PCDHA3: variants seen among roughly 807,000 people sequenced by gnomAD.
PCDHA3 encodes the protein protocadherin alpha-3.
Under a neutral mutation model 62.2 loss-of-function variants are expected in PCDHA3, and 41 were observed. That is an observed-to-expected ratio of 0.66 (90% confidence interval 0.51 to 0.86). PCDHA3 has a LOEUF of 0.86. PCDHA3 is among the 40% of genes least tolerant of loss of function. The pLI is 0.00. For missense variants in PCDHA3, 1,304 were observed against 1,241.2 expected (o/e 1.05, Z -0.76); for synonymous variants, 640 against 555.4 (o/e 1.15, Z -2.14).
chr5:140,927,294 C>T (rs781944508), intron 1 of PCDHA3: 10 of 1,614,062 alleles, frequency 6.2e-6, no homozygotes, highest in South Asian at 3.3e-5. Context: ...TGCACATCCC[C>T]GAGTTCCTGA....
At chr5:140,882,702 C>T (rs2059269414) in intron 1 of PCDHA3, 1 of 1,614,098 alleles carries the variant, frequency 6.2e-7, no homozygotes, top group African/African-American at 1.3e-5. Flanking sequence ...ATTGCAGAAT[C>T]TAGACCTCCG....
chr5:140,869,610 C>T (rs782688712), intron 1 of PCDHA3: 1 of 1,613,928 alleles, frequency 6.2e-7, no homozygotes, highest in South Asian at 1.1e-5. Flanking sequence ...CTCTATTGAC[C>T]TACAGGCTAA....
intron 1 of PCDHA3, chr5:140,848,269 G>A: frequency 2.0e-6 from 1 of 502,308 alleles, no homozygotes; most frequent in Non-Finnish European, 3.5e-6. Context: ...TTTTATTCAT[G>A]AAATATGTAC....
At position 141,010,163 on chromosome 5, in the gene PCDHA3, C is replaced by T; in HGVS notation, c.*226C>T. Reference sequence around the variant, plus strand: ...CTTTCTCTCCACTCTGGCTTGTTTTCAGAACCTAAAAAGCAGACCCAAGTT... The same window carrying T: ...CTTTCTCTCCACTCTGGCTTGTTTTTAGAACCTAAAAAGCAGACCCAAGTT... On this transcript the variant is annotated 3_prime_UTR_variant, in exon 4 of 4. Transcript: ENST00000522353. 1 of 1,565,826 alleles carries T rather than the reference C, an allele frequency of 6.4e-7. No homozygotes were observed. The highest frequency in any genetic ancestry group is 8.7e-7 in the Non-Finnish European group (1 of 1,154,220).
chr5:140,818,407 T>C (rs1766349391), intron 1 of PCDHA3, among the ~76,000 whole-genome samples: 1 of 152,252 alleles, frequency 6.6e-6, no homozygotes, highest in African/African-American at 2.4e-5. Context: ...AATTTTATTT[T>C]CCTTTTTAAA....
chr5:140,969,393 C>T, intron 1 of PCDHA3: 1 of 1,590,146 alleles, frequency 6.3e-7, no homozygotes. Flanking sequence ...CCCCCAATAT[C>T]CTGTGATTTG....
chr5:140,843,027 G>A (rs2150350429), intron 1 of PCDHA3: 1 of 1,595,166 alleles, frequency 6.3e-7, no homozygotes, highest in South Asian at 1.1e-5. Flanking sequence ...CTGGAGCCTC[G>A]GGTGGGTGGC....
At chr5:140,984,945 C>CA (rs1307962082) in intron 3 of PCDHA3, among the ~76,000 whole-genome samples, 2 of 149,212 alleles carry the variant, frequency 1.3e-5, no homozygotes, top group African/African-American at 4.9e-5. Flanking sequence ...AATGTCTAAT[C>CA]TTTTTTTTTT....
chr5:140,809,464 C>A, intron 1 of PCDHA3: 1 of 1,614,248 alleles, frequency 6.2e-7, no homozygotes, highest in Non-Finnish European at 8.5e-7. Flanking sequence ...CGAGGGTGTG[C>A]TCTGGTGAGG....
chr5:140,945,992 G>T (rs1271634546), intron 1 of PCDHA3, among the ~76,000 whole-genome samples: 1 of 151,978 alleles, frequency 6.6e-6, no homozygotes, highest in Non-Finnish European at 1.5e-5. Flanking sequence ...CTAATGGATT[G>T]CATCAAACTA....
At chr5:140,998,287 G>A (rs1209811850) in intron 3 of PCDHA3, among the ~76,000 whole-genome samples, 3 of 152,154 alleles carry the variant, frequency 2.0e-5, no homozygotes, top group Non-Finnish European at 4.4e-5. Flanking sequence ...GATTAAATCA[G>A]ATCACACATT....
At chr5:140,984,790 G>A (rs2097121430) in intron 3 of PCDHA3, among the ~76,000 whole-genome samples, 1 of 152,104 alleles carries the variant, frequency 6.6e-6, no homozygotes, top group Admixed American at 6.5e-5. Flanking sequence ...GGTGAGCATA[G>A]ACAAACTGCC....
In PCDHA3 at chr5:140,801,694, C is replaced by G. The variant is rs35124371; in HGVS notation, c.497C>G (p.Ser166Trp). Residue 166 changes from serine (S) to tryptophan (W), a missense_variant, in exon 1 of 4, where the codon TCG (serine) becomes TGG (tryptophan). Physicochemically the swap from Ser to Trp is radical, Grantham distance 177. Transcript: ENST00000522353. ...GASDADIGTNSLLTYSLDSTE... is the reference protein window; with the variant it reads ...GASDADIGTNWLLTYSLDSTE... ...TCAGATGCAGATATCGGAACAAATTCGTTGTTGACTTACAGTCTTGATTCC... is the reference window on the plus strand; with the variant it reads ...TCAGATGCAGATATCGGAACAAATTGGTTGTTGACTTACAGTCTTGATTCC... 4.2e-5 allele frequency: 68 copies of G among 1,613,998 alleles called. No homozygotes were observed. Among genetic ancestry groups the G allele is most frequent in the Non-Finnish European group, 5.7e-5 (67 of 1,180,044 alleles).
At chr5:140,841,979 C>A (rs1316425759) in intron 1 of PCDHA3, 1 of 1,613,850 alleles carries the variant, frequency 6.2e-7, no homozygotes, top group East Asian at 2.2e-5. Context: ...TGGGGGCAAA[C>A]CTGAGCTCAC....
chr5:140,968,832 C>A (rs1554231147), intron 1 of PCDHA3: 1 of 1,614,200 alleles, frequency 6.2e-7, no homozygotes, highest in East Asian at 2.2e-5. Flanking sequence ...AAAATCCTCC[C>A]TGACACTCAG....
At chr5:140,830,622 CTTATT>C in intron 1 of PCDHA3, 1 of 582,670 alleles carries the variant, frequency 1.7e-6, no homozygotes. Flanking sequence ...TATTGTGTTT[CTTATT>C]TTAATCTCTT....
At chr5:140,853,895 TG>T in intron 1 of PCDHA3, 1 of 971,706 alleles carries the variant, frequency 1.0e-6, no homozygotes, top group Non-Finnish European at 1.2e-6. Flanking sequence ...TAAAAAGATG[TG>T]GTGGCCTGAC....
chr5:140,849,842 C>G, intron 1 of PCDHA3: 1 of 1,598,534 alleles, frequency 6.3e-7, no homozygotes, highest in Non-Finnish European at 8.6e-7. Flanking sequence ...CCGACGTGAA[C>G]GACAACGCAC....
At chr5:140,871,450 G>C (rs781785142) in intron 1 of PCDHA3, 1 of 1,608,836 alleles carries the variant, frequency 6.2e-7, no homozygotes, top group Non-Finnish European at 8.5e-7. Flanking sequence ...GAATAAAGAG[G>C]AGGAAGGGGA....
Sources: gnomAD v4.1 joint callset for allele counts (sites outside exome capture counted in the v4.1 genomes callset) on GRCh38, gnomAD v4.1.1 for gene constraint, MANE v1.5 for transcripts, NCBI Gene and HGNC (gene_info 2026-07-23, HGNC 2026-07-21) for gene names.